NTM: variants seen among roughly 807,000 people sequenced by gnomAD.
NTM encodes IgLON family member 2.
A neutral mutation model predicts 42.1 loss-of-function variants in NTM; 13 were observed. The observed-to-expected ratio is 0.31, with a 90% CI of 0.20 to 0.49. NTM has a LOEUF of 0.49. NTM is among the 20% of genes least tolerant of loss of function. The pLI is 0.99. For missense variants in NTM, 373 were observed against 452.8 expected (o/e 0.82, Z 1.60); for synonymous variants, 187 against 179.2 (o/e 1.04, Z -0.35).
At chr11:131,920,825 A>T (rs971639702) in intron 2 of NTM, among the ~76,000 whole-genome samples, 3 of 152,150 alleles carry the variant, frequency 2.0e-5, no homozygotes, top group Admixed American at 1.3e-4. Flanking sequence ...ACTAAAATTG[A>T]CCTTCAAACA....
At chr11:131,957,846 A>G (rs903036811) in intron 2 of NTM, among the ~76,000 whole-genome samples, 1 of 151,936 alleles carries the variant, frequency 6.6e-6, no homozygotes, top group African/African-American at 2.4e-5. Context: ...AAGTCGAGAT[A>G]GATGGATGAA....
rs370731586 is a variant in NTM at position 131,846,289 on chromosome 11, G to A, written c.83-65275G>A. Among the ~76,000 whole-genome samples, 7 of 151,928 alleles carry A rather than the reference G, an allele frequency of 4.6e-5. No individual in the cohort carries two copies. In the South Asian group the frequency reaches 1.5e-3, roughly 32 times the overall value. ...ATGTTAAGAGAGGCATAAGAGTTTT[G>A]TTGTTCTCTTCAGAGAGCTACTTCT... On this transcript the variant is annotated intron_variant, in intron 1 of 8. Transcript: ENST00000683400.
At chr11:131,478,942 G>A (rs949663422) in intron 1 of NTM, among the ~76,000 whole-genome samples, 1 of 152,162 alleles carries the variant, frequency 6.6e-6, no homozygotes, top group Non-Finnish European at 1.5e-5. Flanking sequence ...ATAAAATGTG[G>A]GTTCCACGCA....
At position 131,444,858 on chromosome 11, in the gene NTM, G is replaced by A. The variant is rs989165937; in HGVS notation, c.82+73970G>A. ...GAGAAGGTTATATGTGGGTACAAAT[G>A]TGTTTCCTGGAAGGATGATGAGAAA... On this transcript the variant is annotated intron_variant, in intron 1 of 8. Coordinates refer to ENST00000683400, the MANE Select transcript of NTM (RefSeq NM_001352005.2). 5.9e-5 allele frequency among the ~76,000 whole-genome samples: 9 copies of A among 152,296 alleles called. No individual in the cohort carries two copies. In the East Asian group the frequency reaches 1.7e-3, roughly 29 times the overall value.
intron 1 of NTM, among the ~76,000 whole-genome samples, chr11:131,876,073 G>A (rs918934634): frequency 1.3e-5 from 2 of 152,178 alleles, no homozygotes; most frequent in Non-Finnish European, 2.9e-5. Flanking sequence ...GCATTTGAAG[G>A]GGGATAAAGT....
chr11:132,053,041 C>T (rs998496479), intron 2 of NTM, among the ~76,000 whole-genome samples: 2 of 152,172 alleles, frequency 1.3e-5, no homozygotes, highest in African/African-American at 4.8e-5. Flanking sequence ...CTTTCCACTG[C>T]ATTTTCCTTG....
chr11:131,583,047 C>T (rs1203126082), intron 1 of NTM, among the ~76,000 whole-genome samples: 4 of 152,206 alleles, frequency 2.6e-5, no homozygotes, highest in Non-Finnish European at 5.9e-5. Flanking sequence ...ACACGGGTAG[C>T]GTCTCCCTGG....
At chr11:131,455,570 G>A (rs372582517) in intron 1 of NTM, 3 of 152,304 alleles carry the variant, frequency 2.0e-5, no homozygotes, top group African/African-American at 7.2e-5. Context: ...GAAAAGCTTA[G>A]GGAGAAAGGT....
intron 2 of NTM, among the ~76,000 whole-genome samples, chr11:132,041,227 T>TAGAG (rs1455359946): frequency 1.1e-5 from 1 of 94,986 alleles, no homozygotes; most frequent in Non-Finnish European, 2.2e-5. Flanking sequence ...GAGAGAGAGA[T>TAGAG]AGATAGAGAG....
At chr11:131,759,183 G>A (rs923524409) in intron 1 of NTM, among the ~76,000 whole-genome samples, 1 of 152,344 alleles carries the variant, frequency 6.6e-6, no homozygotes, top group East Asian at 1.9e-4. Flanking sequence ...TGCATAGGCA[G>A]GATTGGAGTC....
chr11:132,162,125 T>C (rs1314770120), intron 3 of NTM, among the ~76,000 whole-genome samples: 1 of 151,958 alleles, frequency 6.6e-6, no homozygotes, highest in Admixed American at 6.6e-5. Context: ...AGTGTGTAAG[T>C]GTGCATACTT....
chr11:131,834,625 C>CATATATATATAT (rs10604283), intron 1 of NTM, among the ~76,000 whole-genome samples: 4,556 of 133,792 alleles, frequency 0.034, 134 homozygotes, highest in Admixed American at 0.059. Flanking sequence ...TATACATATA[C>CATATATATATAT]ATATATATAT....
chr11:131,923,065 A>AC, intron 2 of NTM, among the ~76,000 whole-genome samples: 1 of 151,984 alleles, frequency 6.6e-6, no homozygotes, highest in East Asian at 1.9e-4. Flanking sequence ...CCCGTTTAAA[A>AC]AAAAAAGGCT....
chr11:131,765,826 G>A (rs2085009188), intron 1 of NTM, among the ~76,000 whole-genome samples: 1 of 152,182 alleles, frequency 6.6e-6, no homozygotes, highest in Non-Finnish European at 1.5e-5. Context: ...CAAGATCGAG[G>A]ACTGCAACCC....
intron 2 of NTM, among the ~76,000 whole-genome samples, chr11:131,967,244 G>A (rs1048551809): frequency 3.9e-5 from 6 of 152,180 alleles, no homozygotes; most frequent in African/African-American, 1.4e-4. Flanking sequence ...ATTTAAGACT[G>A]TGAGATAGAA....
intron 1 of NTM, among the ~76,000 whole-genome samples, chr11:131,758,670 G>A (rs1448792249): frequency 1.3e-5 from 2 of 151,494 alleles, no homozygotes; most frequent in African/African-American, 4.9e-5. Flanking sequence ...TTGGCTCACT[G>A]CAACCTCAGC....
At chr11:132,309,947 T>C (rs181369699) in intron 5 of NTM, 165 bp from the exon 6 acceptor site, 49 of 428,900 alleles carry the variant, frequency 1.1e-4, no homozygotes, top group African/African-American at 9.2e-4. Context: ...TCCCAATTAC[T>C]TGGGAAGCTG....
At chr11:131,428,880 C>CAAAAAAAAAAAAAAAA (rs35312475) in intron 1 of NTM, among the ~76,000 whole-genome samples, 1 of 84,008 alleles carries the variant, frequency 1.2e-5, no homozygotes. Flanking sequence ...ACTAAAAATA[C>CAAAAAAAAAAAAAAAA]AAAAAAAAAA....
chr11:131,493,210 G>C (rs566345056), intron 1 of NTM, among the ~76,000 whole-genome samples: 1 of 152,252 alleles, frequency 6.6e-6, no homozygotes, highest in South Asian at 2.1e-4. Context: ...CTGCACTCCA[G>C]CCTGGGTGGC....
Sources: gnomAD v4.1 joint callset for allele counts (sites outside exome capture counted in the v4.1 genomes callset) on GRCh38, gnomAD v4.1.1 for gene constraint, MANE v1.5 for transcripts, NCBI Gene and HGNC (gene_info 2026-07-23, HGNC 2026-07-21) for gene names.